HSP90AA1: variants seen among roughly 807,000 people sequenced by gnomAD.
HSP90AA1 encodes the protein heat shock protein 90 alpha family class A member 1, also known as heat shock protein HSP 90-alpha.
A neutral mutation model predicts 73.3 loss-of-function variants in HSP90AA1; 18 were observed. The ratio of observed to expected loss-of-function variants is 0.25; its 90% CI spans 0.17 to 0.36. The LOEUF is 0.36. Ranked by LOEUF, HSP90AA1 falls within the 10% of genes least tolerant of loss-of-function variation. HSP90AA1 has a pLI of 1.00. For synonymous variants in HSP90AA1, 477 were observed against 296.9 expected, an observed-to-expected ratio of 1.61 and a Z score of -6.24; for missense variants, 704 against 874.2, an observed-to-expected ratio of 0.81 and a Z score of 2.45.
chr14:102,088,542 G>A (rs557522958), upstream of HSP90AA1, among the ~76,000 whole-genome samples: 25 of 152,354 alleles, frequency 1.6e-4, no homozygotes, highest in African/African-American at 5.5e-4. Context: ...GGGGGAAGTG[G>A]AAGGAAACTA....
chr14:102,135,269 T>A (rs2049974366), intron 1 of HSP90AA1, among the ~76,000 whole-genome samples: 1 of 150,928 alleles, frequency 6.6e-6, no homozygotes, highest in African/African-American at 2.5e-5. Context: ...TGCTGATTGG[T>A]GTGTTTACAA....
intron 10 of HSP90AA1, 65 bp downstream of exon 10, chr14:102,082,046 T>C (rs992106471): frequency 2.6e-6 from 3 of 1,158,086 alleles, no homozygotes; most frequent in Admixed American, 3.8e-5. Context: ...AACTGAAAGT[T>C]CACCATTTTC....
At chr14:102,126,549 G>T (rs566250345) in intron 1 of HSP90AA1, among the ~76,000 whole-genome samples, 1 of 151,104 alleles carries the variant, frequency 6.6e-6, no homozygotes, top group African/African-American at 2.4e-5. Context: ...TTTTTGAGAC[G>T]GAGTCTCGCT....
rs112394273 is a variant in HSP90AA1 at position 102,084,759 on chromosome 14, G to T, written c.903C>A (p.Pro301=). 6 of 1,613,972 alleles carry T rather than the reference G, an allele frequency of 3.7e-6. No individual in the cohort carries two copies. The highest frequency in any genetic ancestry group is 5.1e-6 in the Non-Finnish European group (6 of 1,180,012). ...NKTKPIWTRN[P]DDITNEEYGE... ...CGTACTCCTCATTAGTAATATCGTC[G>T]GGATTTCTGGTCCAGATGGGCTTTG... The change falls in exon 5 of 11, where the codon CCC becomes CCA. Residue 301 remains proline (P), a synonymous_variant. Transcript: ENST00000216281.
Position 102,085,649 on chromosome 14 carries a change from G to T in HSP90AA1, c.529+109C>A, listed in dbSNP as rs371368790. On this transcript the variant is annotated intron_variant, in intron 3 of 10. Transcript: ENST00000216281. ...TAAGTGCTCTAGCTTGTTCCTGATCGTTGGGCAAACACAAATTCTGTAAGC... is the reference window on the plus strand; with the variant it reads ...TAAGTGCTCTAGCTTGTTCCTGATCTTTGGGCAAACACAAATTCTGTAAGC... The T allele has an allele frequency of 2.2e-5, 33 of 1,529,598 alleles. No individual in the cohort carries two copies. In the East Asian group the frequency reaches 6.1e-4, roughly 28 times the overall value. The allele number at this position is 1,529,598 out of a possible 1,614,324, so 94.8% of individuals were successfully genotyped here. A position where few individuals can be genotyped will look rare whatever the true frequency, so the allele number is the denominator to read the frequency against.
intron 1 of HSP90AA1, among the ~76,000 whole-genome samples, chr14:102,136,096 G>C (rs1172513475): frequency 6.6e-6 from 1 of 152,202 alleles, no homozygotes; most frequent in Non-Finnish European, 1.5e-5. Context: ...AATTGTGTGG[G>C]TATTTCAAAT....
At chr14:102,085,600 A>C (rs1004924032) in intron 3 of HSP90AA1, 158 bp downstream of exon 3, 13 of 1,277,446 alleles carry the variant, frequency 1.0e-5, no homozygotes, top group Non-Finnish European at 1.5e-5. Context: ...AGAACCGCCC[A>C]CCAAGTCATG....
At chr14:102,113,288 T>C (rs2049664442) in intron 1 of HSP90AA1, among the ~76,000 whole-genome samples, 1 of 152,116 alleles carries the variant, frequency 6.6e-6, no homozygotes. Context: ...CCTCCCAAAG[T>C]ACTGGGATTA....
chr14:102,085,498 C>T (rs1261625144), intron 3 of HSP90AA1, 67 bp from the exon 4 acceptor site: 13 of 1,444,226 alleles, frequency 9.0e-6, no homozygotes, highest in East Asian at 2.3e-5. Flanking sequence ...TGCCTAACAC[C>T]CTTATAACGT....
At chr14:102,125,534 T>C (rs75289074) in intron 1 of HSP90AA1, among the ~76,000 whole-genome samples, 6,432 of 152,258 alleles carry the variant, frequency 0.042, 175 homozygotes, top group Middle Eastern at 0.065. Context: ...GCATGCTAAG[T>C]AGATATTTAC....
intron 2 of HSP90AA1, among the ~76,000 whole-genome samples, chr14:102,092,389 T>G (rs7158241): frequency 0.013 from 1,938 of 152,264 alleles, 50 homozygotes; most frequent in African/African-American, 0.045. Flanking sequence ...AATATTTAAT[T>G]CCATTGTGGT....
rs376979142 is a variant in HSP90AA1 at position 102,105,625 on chromosome 14, T to A, written c.156-3540A>T. On this transcript the variant is annotated intron_variant, in intron 1 of 11. Coordinates refer to the HSP90AA1 transcript ENST00000334701. ...GAGGGCTTGCAAGGGAGACAGGGCC[T>A]GCATCTGCAAGGTGTGGGCTTGCCT... Among the ~76,000 whole-genome samples, 9 of 152,318 alleles carry A rather than the reference T, an allele frequency of 5.9e-5. No individual in the cohort carries two copies. In the South Asian group the frequency reaches 1.7e-3, roughly 28 times the overall value.
chr14:102,139,656 G>T (rs1217776399), exon 1 of HSP90AA1: 4 of 647,806 alleles, frequency 6.2e-6, no homozygotes, highest in Admixed American at 5.9e-5. Flanking sequence ...CATCACCTGG[G>T]AAGCAGCCAT....
chr14:102,122,394 C>G (rs1393870074), intron 1 of HSP90AA1, among the ~76,000 whole-genome samples: 1 of 151,352 alleles, frequency 6.6e-6, no homozygotes, highest in Non-Finnish European at 1.5e-5. Context: ...CATTCTCCTA[C>G]CTCAGCCTCC....
chr14:102,114,854 G>T (rs1014033967), intron 1 of HSP90AA1, among the ~76,000 whole-genome samples: 7 of 152,014 alleles, frequency 4.6e-5, no homozygotes, highest in African/African-American at 1.7e-4. Flanking sequence ...AAAAAAATTG[G>T]CCAGGCATGG....
intron 9 of HSP90AA1, 196 bp from the exon 10 acceptor site, chr14:102,082,640 A>G (rs2049125123): frequency 1.7e-6 from 1 of 602,268 alleles, no homozygotes; most frequent in Non-Finnish European, 2.9e-6. Flanking sequence ...TTTTTTTTTG[A>G]GATAGAGTCT....
At chr14:102,083,732 T>C in intron 7 of HSP90AA1, 39 bp from the exon 8 acceptor site, 1 of 1,400,550 alleles carries the variant, frequency 7.1e-7, no homozygotes, top group Non-Finnish European at 9.7e-7. Context: ...CTTTCTGAAT[T>C]AAAAAAAAAA....
chr14:102,113,587 T>C (rs1310452911), intron 1 of HSP90AA1, among the ~76,000 whole-genome samples: 1 of 151,834 alleles, frequency 6.6e-6, no homozygotes, highest in Non-Finnish European at 1.5e-5. Context: ...GATTTCACCA[T>C]GTTGGCTAGG....
chr14:102,084,198 C>T, intron 6 of HSP90AA1: 1 of 675,590 alleles, frequency 1.5e-6, no homozygotes. Context: ...CTCAGCCTGC[C>T]ACTACATGGG....
Sources: allele counts gnomAD v4.1 joint callset (sites outside exome capture counted in the v4.1 genomes callset), GRCh38; gene constraint gnomAD v4.1.1; transcripts MANE v1.5; gene names NCBI Gene and HGNC (gene_info 2026-07-23, HGNC 2026-07-21).